The following TMEM65 variants were observed in gnomAD, a reference collection of about 807,000 sequenced individuals.
TMEM65 encodes the protein transmembrane protein 65.
In TMEM65, 22 loss-of-function variants were observed where a neutral mutation model predicts 25.4. The observed-to-expected ratio is 0.86, with a 90% CI of 0.62 to 1.23. The LOEUF (loss-of-function observed/expected upper bound fraction) is 1.23, where lower values mean the gene tolerates loss of function less well. Ranked by LOEUF, TMEM65 falls within the 50% of genes most tolerant of loss-of-function variation. TMEM65 has a pLI of 0.00. For synonymous variants in TMEM65, 132 were observed against 126.2 expected (o/e 1.05, Z -0.31); for missense variants, 262 against 308.2 (o/e 0.85, Z 1.12).
rs1397957117 is a variant in TMEM65 at position 124,313,194 on chromosome 8, T to C, written c.*766A>G. Reference sequence around the variant, plus strand: ...ATTTCAAAGACTCTAAAATAATCATTTGCTTCCCCTCAAAAGTCAGAATCC... The same window carrying C: ...ATTTCAAAGACTCTAAAATAATCATCTGCTTCCCCTCAAAAGTCAGAATCC... On this transcript the variant is annotated 3_prime_UTR_variant, in exon 7 of 7. Transcript: ENST00000297632. 2.6e-5 allele frequency: 4 copies of C among 151,842 alleles called. No individual in the cohort carries two copies. Among genetic ancestry groups the C allele is most frequent in the Admixed American group, 1.3e-4 (2 of 15,236 alleles). The allele number at this position is 151,842 out of a possible 1,614,324, so 9.4% of individuals were successfully genotyped here.
intron 1 of TMEM65, among the ~76,000 whole-genome samples, chr8:124,360,298 C>T (rs1337596668): frequency 4.6e-5 from 7 of 151,804 alleles, no homozygotes; most frequent in Non-Finnish European, 5.9e-5. Flanking sequence ...GGCATGGTGG[C>T]GCGCGCCTGC....
intron 1 of TMEM65, among the ~76,000 whole-genome samples, chr8:124,350,582 T>C (rs1814695606): frequency 6.6e-6 from 1 of 151,956 alleles, no homozygotes; most frequent in Non-Finnish European, 1.5e-5. Context: ...CTTTCATGAA[T>C]GACCTTAGTA....
rs1814143945 is a variant in TMEM65 at position 124,310,569 on chromosome 8, GCC to G, written c.*3389_*3390del. The G allele has an allele frequency of 6.6e-6, 1 of 152,014 alleles. No homozygotes were observed. The highest frequency in any genetic ancestry group is 1.5e-5 in the Non-Finnish European group (1 of 67,994). The allele number at this position is 152,014 out of a possible 1,614,324, so 9.4% of individuals were successfully genotyped here. ...GAAAATAGAGATGATAATGATAATA[GCC>G]CCAACTTAATGTTGTCATTAAGGTG... On this transcript the variant is annotated 3_prime_UTR_variant, in exon 7 of 7. Coordinates refer to ENST00000297632, the MANE Select transcript of TMEM65 (RefSeq NM_194291.3).
chr8:124,344,930 C>G (rs1158786395), intron 1 of TMEM65, among the ~76,000 whole-genome samples: 5 of 152,034 alleles, frequency 3.3e-5, no homozygotes, highest in African/African-American at 9.7e-5. Flanking sequence ...CCATAGAGAC[C>G]AAGCAAGTCT....
intron 1 of TMEM65, among the ~76,000 whole-genome samples, chr8:124,345,625 A>C (rs1024041324): frequency 7.2e-5 from 11 of 152,122 alleles, no homozygotes; most frequent in African/African-American, 1.7e-4. Flanking sequence ...ATAATTTGTC[A>C]TTTTCATGTT....
rs919900889 is a variant in TMEM65 at position 124,359,053 on chromosome 8, G to T, written c.304+12801C>A. Reference sequence around the variant, plus strand: ...GTTAGAGGCCTCAGATGTCTGACTGGGTCAGACAGAAACTGGTAGTAAATG... The same window carrying T: ...GTTAGAGGCCTCAGATGTCTGACTGTGTCAGACAGAAACTGGTAGTAAATG... On this transcript the variant is annotated intron_variant, in intron 1 of 6. Coordinates refer to ENST00000297632, the MANE Select transcript of TMEM65 (RefSeq NM_194291.3). Among the ~76,000 whole-genome samples the T allele has an allele frequency of 2.0e-5, 3 of 152,186 alleles. 1 individual carries two copies. Among genetic ancestry groups the T allele is most frequent in the Admixed American group, 2.0e-4 (3 of 15,280 alleles).
intron 1 of TMEM65, among the ~76,000 whole-genome samples, chr8:124,344,611 G>A (rs1490295687): frequency 6.6e-6 from 1 of 152,196 alleles, no homozygotes; most frequent in Admixed American, 6.5e-5. Context: ...TAGAAAGTCA[G>A]TTGCCAGAAA....
chr8:124,315,225 A>G (rs567265173), intron 6 of TMEM65, among the ~76,000 whole-genome samples: 77 of 152,312 alleles, frequency 5.1e-4, no homozygotes, highest in African/African-American at 9.6e-4. Flanking sequence ...TCTATCAAAC[A>G]TTACAGTTAC....
intron 5 of TMEM65, 79 bp downstream of exon 5, chr8:124,322,026 T>C (rs185398992): frequency 0.011 from 10,655 of 1,003,200 alleles, 150 homozygotes; most frequent in Non-Finnish European, 8.8e-3. Context: ...TCTTTTGTTA[T>C]GCTTCTCAAT....
rs1010066849 is a variant in TMEM65, at chr8:124,308,185, G to A, written c.*5775C>T. 2 of 152,204 alleles carry A rather than the reference G, an allele frequency of 1.3e-5. No homozygotes were observed. The highest frequency in any genetic ancestry group is 4.8e-5 in the African/African-American group (2 of 41,438). 9.4% of individuals were successfully genotyped at this position (152,204 alleles called of 1,614,324 possible). On this transcript the variant is annotated 3_prime_UTR_variant, in exon 7 of 7. Transcript: ENST00000297632. ...TGCCAGTAAAGGACTGCCTTTTAAA[G>A]TTGTTTTGATACTGGACAATGCCCC...
chr8:124,344,654 G>T (rs1004187630), intron 1 of TMEM65, among the ~76,000 whole-genome samples: 1 of 152,164 alleles, frequency 6.6e-6, no homozygotes, highest in African/African-American at 2.4e-5. Context: ...AAAACAAGTA[G>T]ATTCTTCTTT....
At chr8:124,347,799 T>C (rs1317403154) in intron 1 of TMEM65, among the ~76,000 whole-genome samples, 2 of 152,018 alleles carry the variant, frequency 1.3e-5, no homozygotes, top group Non-Finnish European at 2.9e-5. Context: ...CAATTAATCA[T>C]CACCTTTATC....
chr8:124,334,763 CA>C (rs34202764), intron 1 of TMEM65, among the ~76,000 whole-genome samples: 38,460 of 85,144 alleles, frequency 0.45, 5,183 homozygotes, highest in East Asian at 0.58. Flanking sequence ...GACTCCGTCT[CA>C]AAAAAAAAAA....
chr8:124,319,634 A>G (rs893371956), intron 6 of TMEM65, among the ~76,000 whole-genome samples: 7 of 152,098 alleles, frequency 4.6e-5, no homozygotes, highest in Admixed American at 1.3e-4. Context: ...AGATCTAATA[A>G]TAACCAAGAA....
rs1489856057 is a variant in TMEM65, at chr8:124,339,248, T to TATATATATATATAA, written c.305-8457_305-8456insTTATATATATATAT. ...ATATATATATATATATATATATATA[T>TATATATATATATAA]AAAATATTCTTGCAACAAGTAGCTG... On this transcript the variant is annotated intron_variant, in intron 1 of 6. Transcript: ENST00000297632. Among the ~76,000 whole-genome samples, 65 of 104,576 alleles carry TATATATATATATAA rather than the reference T, an allele frequency of 6.2e-4. 2 individuals are homozygous for TATATATATATATAA. Among genetic ancestry groups the TATATATATATATAA allele is most frequent in the African/African-American group, 2.4e-3 (58 of 23,830 alleles). 68.6% of individuals were successfully genotyped at this position (104,576 alleles called of 152,430 possible).
chr8:124,316,774 T>A (rs1302380123), intron 6 of TMEM65, among the ~76,000 whole-genome samples: 1 of 152,216 alleles, frequency 6.6e-6, no homozygotes, highest in Non-Finnish European at 1.5e-5. Flanking sequence ...ATTGCTAGAA[T>A]GTTAGAATAT....
chr8:124,307,517 G>A lies in TMEM65; in HGVS notation c.*6443C>T, dbSNP rs1272303224. On this transcript the variant is annotated 3_prime_UTR_variant, in exon 7 of 7. Transcript: ENST00000297632. ...TATACCAGCAAACCTTACACTTTTT[G>A]TGATATACCTTTTTATCTCGTATTA... 6.6e-6 allele frequency: 1 copy of A among 152,036 alleles called. No individual in the cohort carries two copies. The highest frequency in any genetic ancestry group is 1.5e-5 in the Non-Finnish European group (1 of 68,040). The allele number at this position is 152,036 out of a possible 1,614,324, so 9.4% of individuals were successfully genotyped here.
At position 124,367,015 on chromosome 8, in the gene TMEM65, G is replaced by C. The variant is rs145352567; in HGVS notation, c.304+4839C>G. On this transcript the variant is annotated intron_variant, in intron 1 of 6. Transcript: ENST00000297632. ...TGTTCTTCCCCTCTTGCCGGGCCTAGGTGGGGCTATACTTCCCTTATTCCT... is the reference window on the plus strand; with the variant it reads ...TGTTCTTCCCCTCTTGCCGGGCCTACGTGGGGCTATACTTCCCTTATTCCT... Among the ~76,000 whole-genome samples the C allele has an allele frequency of 5.3e-4, 80 of 152,268 alleles. No homozygotes were observed. In the East Asian group the frequency reaches 0.015, roughly 28 times the overall value.
intron 5 of TMEM65, among the ~76,000 whole-genome samples, chr8:124,320,640 T>G (rs1290172715): frequency 1.3e-5 from 2 of 152,150 alleles, no homozygotes; most frequent in Non-Finnish European, 2.9e-5. Flanking sequence ...CCAAAATTCC[T>G]CAGATTGGTA....
Sources: allele counts gnomAD v4.1 joint callset (sites outside exome capture counted in the v4.1 genomes callset), GRCh38; gene constraint gnomAD v4.1.1; transcripts MANE v1.5; gene names NCBI Gene and HGNC (gene_info 2026-07-23, HGNC 2026-07-21).